ARPP19: variants seen among roughly 807,000 people sequenced by gnomAD.
The protein encoded by ARPP19 is cAMP regulated phosphoprotein 19.
In ARPP19, 8 loss-of-function variants were observed where a neutral mutation model predicts 12.0. That is an observed-to-expected ratio of 0.67 (90% CI 0.39 to 1.21). The LOEUF (loss-of-function observed/expected upper bound fraction) is 1.21, where lower values mean the gene tolerates loss of function less well. Ranked by LOEUF, ARPP19 falls within the 50% of genes most tolerant of loss-of-function variation. The pLI is 0.01. For missense variants in ARPP19, 102 were observed against 136.3 expected (o/e 0.75, Z 1.25); for synonymous variants, 47 against 50.4 (o/e 0.93, Z 0.29).
chr15:52,561,409 T>C (rs755888031), intron 1 of ARPP19, among the ~76,000 whole-genome samples: 2 of 152,198 alleles, frequency 1.3e-5, no homozygotes, highest in Non-Finnish European at 2.9e-5. Context: ...CATACACATA[T>C]ACTGATAACA....
chr15:52,562,688 A>G (rs1259028850), intron 1 of ARPP19, among the ~76,000 whole-genome samples: 1 of 152,080 alleles, frequency 6.6e-6, no homozygotes, highest in Admixed American at 6.6e-5. Context: ...TATAGCAAGT[A>G]TCTCTCAAGG....
intron 1 of ARPP19, chr15:52,557,598 T>C (rs1223838311): frequency 6.5e-6 from 1 of 154,970 alleles, no homozygotes. Flanking sequence ...TGTTAAAATA[T>C]ACAGAATTTT....
intron 2 of ARPP19, among the ~76,000 whole-genome samples, chr15:52,555,709 T>A (rs2077975794): frequency 6.6e-6 from 1 of 151,958 alleles, no homozygotes; most frequent in East Asian, 1.9e-4. Context: ...CTGAAACGAG[T>A]AATAATTTTT....
intron 1 of ARPP19, among the ~76,000 whole-genome samples, chr15:52,563,881 A>C (rs2078057716): frequency 6.6e-6 from 1 of 152,250 alleles, no homozygotes; most frequent in Non-Finnish European, 1.5e-5. Flanking sequence ...TACTGTTGTC[A>C]TTCTATTAAG....
intron 1 of ARPP19, among the ~76,000 whole-genome samples, chr15:52,562,865 G>GTTTTTT (rs10709933): frequency 1.1e-5 from 1 of 92,926 alleles, no homozygotes; most frequent in African/African-American, 4.2e-5. Flanking sequence ...AGCTTAAGAA[G>GTTTTTT]TTTTTTTTTT....
intron 2 of ARPP19, among the ~76,000 whole-genome samples, chr15:52,552,828 G>C (rs557647314): frequency 6.6e-6 from 1 of 152,262 alleles, no homozygotes; most frequent in Admixed American, 6.5e-5. Context: ...CCAGCACTTT[G>C]GGAGGCCGAG....
In ARPP19 at chr15:52,551,675, C is replaced by T; in HGVS notation, c.*259G>A. 2.7e-6 allele frequency: 1 copy of T among 375,704 alleles called. No individual in the cohort carries two copies. Among genetic ancestry groups the T allele is most frequent in the Non-Finnish European group, 4.8e-6 (1 of 208,548 alleles). 23.3% of individuals were successfully genotyped at this position (375,704 alleles called of 1,614,324 possible). Reference sequence around the variant, plus strand: ...TTGTTACTTGTTAGAACCAGTACTACACTAGAAGTTAGGTAATATATACAA... The same window carrying T: ...TTGTTACTTGTTAGAACCAGTACTATACTAGAAGTTAGGTAATATATACAA... On this transcript the variant is annotated 3_prime_UTR_variant, in exon 3 of 3. Coordinates refer to ENST00000249822, the MANE Select transcript of ARPP19 (RefSeq NM_006628.6).
At chr15:52,559,798 T>C (rs961563575) in intron 1 of ARPP19, among the ~76,000 whole-genome samples, 1 of 152,160 alleles carries the variant, frequency 6.6e-6, no homozygotes, top group African/African-American at 2.4e-5. Context: ...AGTGCTGCAG[T>C]TTAGAAGTGG....
intron 1 of ARPP19, among the ~76,000 whole-genome samples, chr15:52,559,410 G>A (rs375725502): frequency 3.3e-5 from 5 of 152,048 alleles, no homozygotes; most frequent in African/African-American, 4.8e-5. Context: ...ATCTCAGCCC[G>A]TACAATACAA....
chr15:52,567,449 T>C (rs560149143), intron 1 of ARPP19, among the ~76,000 whole-genome samples: 20 of 152,316 alleles, frequency 1.3e-4, no homozygotes, highest in African/African-American at 4.8e-4. Flanking sequence ...AATGCTAAGT[T>C]TGATGTAAGT....
chr15:52,556,205 A>G (rs569659449), intron 2 of ARPP19, among the ~76,000 whole-genome samples: 1 of 152,260 alleles, frequency 6.6e-6, no homozygotes, highest in Non-Finnish European at 1.5e-5. Flanking sequence ...TGTTTTAAGC[A>G]AGGAGCCGAT....
rs2077903680 is a variant in ARPP19, at chr15:52,548,898, A to G, written c.*3036T>C. 1 of 152,682 alleles carries G rather than the reference A, an allele frequency of 6.5e-6. No homozygotes were observed. Among genetic ancestry groups the G allele is most frequent in the African/African-American group, 2.4e-5 (1 of 41,466 alleles). The allele number at this position is 152,682 out of a possible 1,614,324, so 9.5% of individuals were successfully genotyped here. A position where few individuals can be genotyped will look rare whatever the true frequency, so the allele number is the denominator to read the frequency against. ...AACTAATTCCAACTGTTGAAGTAGT[A>G]ACAAGTAAAGGCTTCACCAGGCTTT... On this transcript the variant is annotated 3_prime_UTR_variant, in exon 3 of 3. Transcript: ENST00000249822.
At chr15:52,560,491 A>G (rs533127535) in intron 1 of ARPP19, among the ~76,000 whole-genome samples, 107 of 152,332 alleles carry the variant, frequency 7.0e-4, no homozygotes, top group African/African-American at 2.5e-3. Context: ...GCACAACTGA[A>G]AGCCCCTGCT....
upstream of ARPP19, chr15:52,569,200 G>A (rs1669014040): frequency 9.9e-6 from 4 of 404,636 alleles, no homozygotes; most frequent in African/African-American, 4.3e-5. Flanking sequence ...CCTCACATCC[G>A]TTTGTGGCTG....
intron 1 of ARPP19, among the ~76,000 whole-genome samples, chr15:52,561,690 A>G (rs956009321): frequency 6.6e-6 from 1 of 151,896 alleles, no homozygotes; most frequent in East Asian, 1.9e-4. Context: ...GAAACCAAAC[A>G]TAAGGAGAAA....
At chr15:52,566,643 C>G (rs1025646573) in intron 1 of ARPP19, among the ~76,000 whole-genome samples, 13 of 151,564 alleles carry the variant, frequency 8.6e-5, no homozygotes, top group African/African-American at 3.2e-4. Flanking sequence ...ACTATGTTGA[C>G]CAGGCTGGTC....
intron 1 of ARPP19, among the ~76,000 whole-genome samples, chr15:52,568,003 G>A (rs1057090619): frequency 6.6e-5 from 10 of 152,276 alleles, no homozygotes; most frequent in East Asian, 1.9e-4. Context: ...AGGAGGGCAG[G>A]GCGGTGGAAA....
chr15:52,568,761 C>G (rs2078110921), intron 1 of ARPP19, 87 bp downstream of exon 1: 2 of 939,354 alleles, frequency 2.1e-6, no homozygotes, highest in South Asian at 1.9e-5. Flanking sequence ...CCCCGCATCT[C>G]GGGCGCGGCC....
At chr15:52,553,746 C>T (rs2077956864) in intron 2 of ARPP19, among the ~76,000 whole-genome samples, 1 of 152,320 alleles carries the variant, frequency 6.6e-6, no homozygotes, top group African/African-American at 2.4e-5. Flanking sequence ...CTAATATCTT[C>T]AGGGATACTT....
Sources: allele counts gnomAD v4.1 joint callset (sites outside exome capture counted in the v4.1 genomes callset), GRCh38; gene constraint gnomAD v4.1.1; transcripts MANE v1.5; gene names NCBI Gene and HGNC (gene_info 2026-07-23, HGNC 2026-07-21).